PIGO: variants seen among roughly 807,000 people sequenced by gnomAD.
PIGO encodes the protein phosphatidylinositol glycan anchor biosynthesis class O.
PIGO carries 66 observed loss-of-function variants against 86.9 expected under a neutral mutation model. That is an observed-to-expected ratio of 0.76 (90% CI 0.62 to 0.93). PIGO has a LOEUF of 0.93. Among genes scored for constraint, PIGO ranks in the 40% least tolerant of loss-of-function variants. PIGO has a pLI of 0.00. For missense variants in PIGO, 1,202 were observed against 1,359.1 expected (o/e 0.88, Z 1.82); for synonymous variants, 570 against 556.4 (o/e 1.02, Z -0.34).
At position 35,090,537 on chromosome 9, in the gene PIGO, T is replaced by C; in HGVS notation, c.2783A>G (p.His928Arg). The change falls in exon 8 of 11, where the codon CAT becomes CGT. Residue 928 changes from histidine (H) to arginine (R), a missense_variant. Physicochemically the swap from His to Arg is conservative, Grantham distance 29. Transcript: ENST00000378617. Reference sequence around the variant, plus strand: ...AGCAGGCAGCCAAGTACAGGAGCCATGACCCTCTGGGAATCCCACGAAGGC... The same window carrying C: ...AGCAGGCAGCCAAGTACAGGAGCCACGACCCTCTGGGAATCCCACGAAGGC... Reference protein sequence around the residue: ...HAAFVGFPEGHGSCTWLPALL... With the variant: ...HAAFVGFPEGRGSCTWLPALL... The C allele has an allele frequency of 6.2e-7, 1 of 1,614,200 alleles. No homozygotes were observed. Among genetic ancestry groups the C allele is most frequent in the Non-Finnish European group, 8.5e-7 (1 of 1,180,028 alleles).
chr9:35,094,539 G>A (rs1411119550), intron 2 of PIGO, among the ~76,000 whole-genome samples, 180 bp from the exon 3 acceptor site: 1 of 152,122 alleles, frequency 6.6e-6, no homozygotes, highest in Non-Finnish European at 1.5e-5. Flanking sequence ...AGCTTTCCCT[G>A]ATAACCGTAC....
In PIGO at chr9:35,089,393, C is replaced by G; in HGVS notation, c.3127G>C (p.Val1043Leu). 1.2e-6 allele frequency: 2 copies of G among 1,614,210 alleles called. No individual in the cohort carries two copies. The highest frequency in any genetic ancestry group is 1.6e-4 in the Middle Eastern group (1 of 6,062). The change falls in exon 10 of 11, where the codon GTG (valine) becomes CTG (leucine). Residue 1043 changes from valine to leucine, a missense_variant. Val to Leu is a conservative substitution (Grantham distance 32). Coordinates refer to ENST00000378617, the MANE Select transcript of PIGO (RefSeq NM_032634.4). ...AAATCTACTCACTTAGGGGCAAACA[C>G]TTTCCAGACCATGAGATGCCTGCGA... ...ILRRHLMVWKVFAPKFIFEAV... is the reference protein window; with the variant it reads ...ILRRHLMVWKLFAPKFIFEAV...
intron 1 of PIGO, 158 bp from the exon 2 acceptor site, chr9:35,095,724 T>C (rs890122158): frequency 2.0e-6 from 2 of 1,012,336 alleles, no homozygotes; most frequent in African/African-American, 1.6e-5. Context: ...ACTCTCCTCC[T>C]ATTTCCAGGC....
At chr9:35,089,579 G>A in intron 9 of PIGO, 129 bp from the exon 10 acceptor site, 1 of 1,507,820 alleles carries the variant, frequency 6.6e-7, no homozygotes, top group Non-Finnish European at 8.9e-7. Flanking sequence ...AAAAAATATT[G>A]CATGTCCTGG....
intron 6 of PIGO, 72 bp downstream of exon 6, chr9:35,092,958 A>G: frequency 1.3e-6 from 2 of 1,512,308 alleles, no homozygotes; most frequent in Non-Finnish European, 1.8e-6. Flanking sequence ...CAAAGGACAA[A>G]AGAGTGGTTC....
rs145589436 is a variant in PIGO, at chr9:35,093,399, T to G, written c.939+22A>C. 145 of 1,613,790 alleles carry G rather than the reference T, an allele frequency of 9.0e-5. 1 individual carries two copies. The African/African-American group carries it at 1.6e-3, about 18-fold the overall frequency. On this transcript the variant is annotated intron_variant, in intron 5 of 10. Transcript: ENST00000378617. ...ATGGGCTGATTACTGGGAGAACAGA[T>G]GAGGAACATCCCAGGCCTCACCTCT...
rs1331077224 is a variant in PIGO at position 35,090,573 on chromosome 9, T to C, written c.2747A>G (p.His916Arg). The change falls in exon 8 of 11, where the codon CAT (histidine) becomes CGT (arginine). Residue 916 changes from histidine (H) to arginine (R), a missense_variant. Coordinates refer to ENST00000378617, the MANE Select transcript of PIGO (RefSeq NM_032634.4). ...TGHQPVFPAI[H>R]WHAAFVGFPE... Reference sequence around the variant, plus strand: ...GAATCCCACGAAGGCTGCATGCCAATGGATGGCTGGAAAGACAGGCTGGTG... The same window carrying C: ...GAATCCCACGAAGGCTGCATGCCAACGGATGGCTGGAAAGACAGGCTGGTG... The C allele has an allele frequency of 1.9e-6, 3 of 1,614,050 alleles. No individual in the cohort carries two copies. The highest frequency in any genetic ancestry group is 4.5e-5 in the East Asian group (2 of 44,878).
intron 9 of PIGO, chr9:35,089,663 A>G: frequency 7.0e-7 from 1 of 1,432,390 alleles, no homozygotes; most frequent in Non-Finnish European, 9.1e-7. Flanking sequence ...GCAAGTCAGT[A>G]TCCATCTGCA....
At position 35,092,055 on chromosome 9, in the gene PIGO, G is replaced by T; in HGVS notation, c.1832C>A (p.Thr611Lys). ...TMPRLGTSAT[T>K]NPPRHNGAYA... is the part of the protein sequence containing the mutation. Reference sequence around the variant, plus strand: ...TGCACCATTGTGCCGTGGGGGGTTTGTTGTGGCTGAAGTGCCAAGGCGGGG... The same window carrying T: ...TGCACCATTGTGCCGTGGGGGGTTTTTTGTGGCTGAAGTGCCAAGGCGGGG... The change falls in exon 7 of 11, where the codon ACA becomes AAA. Residue 611 changes from threonine to lysine, a missense_variant. By Grantham distance (78) the Thr-to-Lys change is moderately conservative. Coordinates refer to ENST00000378617, the MANE Select transcript of PIGO (RefSeq NM_032634.4). 1 of 1,614,272 alleles carries T rather than the reference G, an allele frequency of 6.2e-7. No individual in the cohort carries two copies.
chr9:35,095,653 C>T, intron 1 of PIGO, 87 bp from the exon 2 acceptor site: 6 of 1,387,572 alleles, frequency 4.3e-6, no homozygotes, highest in Non-Finnish European at 5.7e-6. Context: ...CAGCTAGAAT[C>T]ACTTCCTCCC....
rs1362128057 is a variant in PIGO at position 35,089,025 on chromosome 9, T to C, written c.*67A>G. ...CCTGTCTTGCAGATCATCCAGTACC[T>C]GTACAGGCCAGGCTACACTGTTCTC... On this transcript the variant is annotated 3_prime_UTR_variant, in exon 11 of 11. Transcript: ENST00000378617. 6.2e-7 allele frequency: 1 copy of C among 1,602,500 alleles called. No homozygotes were observed. The highest frequency in any genetic ancestry group is 8.5e-7 in the Non-Finnish European group (1 of 1,173,848).
chr9:35,092,475 C>T lies in PIGO; in HGVS notation c.1412G>A (p.Trp471Ter). 6.2e-7 allele frequency: 1 copy of T among 1,614,196 alleles called. No homozygotes were observed. The highest frequency in any genetic ancestry group is 8.5e-7 in the Non-Finnish European group (1 of 1,179,996). Reference protein sequence around the residue: ...SCFICLLASQWAISPGFPFCP... With the variant: ...SCFICLLASQ ...GAATGGAAAGCCTGGGGATATTGCC[C>T]ACTGAGATGCCAGCAGGCAGATAAA... Residue 471 changes from tryptophan to a stop codon, truncating the protein, a stop_gained, in exon 7 of 11, where the codon TGG (tryptophan) becomes TAG (stop). Transcript: ENST00000378617. LOFTEE classifies it high-confidence loss of function.
chr9:35,094,363 C>G lies in PIGO; in HGVS notation c.512-4G>C. 6.3e-7 allele frequency: 1 copy of G among 1,597,612 alleles called. No homozygotes were observed. Among genetic ancestry groups the G allele is most frequent in the Non-Finnish European group, 8.5e-7 (1 of 1,175,780 alleles). ...CCCATGAAGACTACACGCCTTCCTG[C>G]AGGGACATGAAAGAGAAGTCAGAGC... On this transcript the variant is annotated splice_polypyrimidine_tract_variant and splice_region_variant and intron_variant, in intron 2 of 10. Coordinates refer to ENST00000378617, the MANE Select transcript of PIGO (RefSeq NM_032634.4).
rs144631345 is a variant in PIGO, at chr9:35,095,241, T to A, written c.325A>T (p.Arg109Trp). 24 of 1,613,978 alleles carry A rather than the reference T, an allele frequency of 1.5e-5. No homozygotes were observed. Among genetic ancestry groups the A allele is most frequent in the Non-Finnish European group, 1.9e-5 (22 of 1,180,002 alleles). The change falls in exon 2 of 11, where the codon AGG becomes TGG. Residue 109 changes from arginine (R) to tryptophan (W), a missense_variant. Physicochemically the swap from Arg to Trp is moderately radical, Grantham distance 101 (BLOSUM62 -3). Transcript: ENST00000378617. ...PFLGKLSSLQRILEIQPHHAR... is the reference protein window; with the variant it reads ...PFLGKLSSLQWILEIQPHHAR... ...TGGTGGGGCTGAATCTCCAGGATCC[T>A]CTGCAAGGAGCTTAGTTTGCCCAGG...
Position 35,091,980 on chromosome 9 carries a change from C to T in PIGO, c.1907G>A (p.Gly636Glu), listed in dbSNP as rs1829444949. ...IGLLLCTRLA[G>E]LFHRCPEETP... ...CTCTTCAGGGCAACGATGAAAAAGC[C>T]CAGCTAGCCTTGTACATAAAAGCAA... Residue 636 changes from glycine (G) to glutamate (E), a missense_variant, in exon 7 of 11, where the codon GGG becomes GAG. Transcript: ENST00000378617. 3 of 1,614,086 alleles carry T rather than the reference C, an allele frequency of 1.9e-6. No homozygotes were observed. The highest frequency in any genetic ancestry group is 3.3e-5 in the Admixed American group (2 of 60,006).
rs763992668 is a variant in PIGO at position 35,095,370 on chromosome 9, G to A, written c.196C>T (p.Arg66Ter). The A allele has an allele frequency of 2.5e-6, 4 of 1,614,134 alleles. No individual in the cohort carries two copies. Among genetic ancestry groups the A allele is most frequent in the South Asian group, 2.2e-5 (2 of 91,082 alleles). Residue 66 changes from arginine (R) to a stop codon, truncating the protein, a stop_gained, in exon 2 of 11, where the codon CGA (arginine) becomes TGA (stop). Coordinates refer to ENST00000378617, the MANE Select transcript of PIGO (RefSeq NM_032634.4). LOFTEE classifies it high-confidence loss of function. ...GKPGACWMAS[R>*]FSRVVLVLID... ...AGCACCAACACAACCCGCGAAAATC[G>A]GGAAGCCATCCAGCAGGCCCCAGGT...
intron 1 of PIGO, 53 bp from the exon 2 acceptor site, chr9:35,095,619 T>C: frequency 6.9e-7 from 1 of 1,453,512 alleles, no homozygotes; most frequent in Non-Finnish European, 9.1e-7. Flanking sequence ...AACCAGTGGA[T>C]ATTCTGGTCC....
intron 1 of PIGO, 37 bp from the exon 2 acceptor site, chr9:35,095,603 G>T: frequency 6.7e-7 from 1 of 1,484,548 alleles, no homozygotes; most frequent in East Asian, 2.4e-5. Flanking sequence ...TTACTGTGGG[G>T]CAAAGAACCA....
At position 35,090,638 on chromosome 9, in the gene PIGO, A is replaced by G. The variant is rs765811134; in HGVS notation, c.2682T>C (p.Ala894=). 26 of 1,614,154 alleles carry G rather than the reference A, an allele frequency of 1.6e-5. No individual in the cohort carries two copies. The highest frequency in any genetic ancestry group is 2.1e-5 in the Non-Finnish European group (25 of 1,180,016). The stretch of plus-strand genomic sequence containing the variant: ...AGGTCTGTGTGGCCATGAGGGCCCA[A>G]GCCGAGACTGCCTGCCATGGCACAG... ...PFTVPWQAVS[A]WALMATQTFY... is the part of the protein sequence containing the mutation. The change falls in exon 8 of 11, where the codon GCT becomes GCC. Residue 894 remains alanine (A), a synonymous_variant. Coordinates refer to ENST00000378617, the MANE Select transcript of PIGO (RefSeq NM_032634.4).
Sources: allele counts gnomAD v4.1 joint callset (sites outside exome capture counted in the v4.1 genomes callset), GRCh38; gene constraint gnomAD v4.1.1; transcripts MANE v1.5; gene names NCBI Gene and HGNC (gene_info 2026-07-23, HGNC 2026-07-21).